SAXO4: variants seen among roughly 807,000 people sequenced by gnomAD.
SAXO4 encodes protein phosphatase 1 regulatory subunit 32.
chr11:61,485,315 C>A, the SAXO4 span: 62 of 1,611,664 alleles, frequency 3.8e-5, no homozygotes, highest in Middle Eastern at 5.2e-4. Context: ...AGTGCCCCCA[C>A]TCCTCCAACC....
the SAXO4 span, chr11:61,490,398 C>T: frequency 9.3e-7 from 1 of 1,076,496 alleles, no homozygotes; most frequent in Admixed American, 1.7e-5. Context: ...CCTGGCTGAA[C>T]CCTGGCTATG....
At chr11:61,487,366 A>G in the SAXO4 span, 1 of 817,862 alleles carries the variant, frequency 1.2e-6, no homozygotes, top group Non-Finnish European at 2.0e-6. Context: ...CCCCAGAAGC[A>G]TACCCTAAGC....
At chr11:61,488,278 T>C in the SAXO4 span, among the ~76,000 whole-genome samples, 12,370 of 147,426 alleles carry the variant, frequency 0.084, 634 homozygotes, top group Non-Finnish European at 0.12. Flanking sequence ...TGAGCCACCG[T>C]GTCCTGCCAA....
At chr11:61,484,685 C>T in the SAXO4 span, 1 of 1,613,294 alleles carries the variant, frequency 6.2e-7, no homozygotes, top group African/African-American at 1.3e-5. Flanking sequence ...TTCTTCCTCC[C>T]AGGTCCGGAA....
the SAXO4 span, among the ~76,000 whole-genome samples, chr11:61,483,163 TC>T: frequency 1.8e-4 from 27 of 146,392 alleles, no homozygotes; most frequent in East Asian, 4.2e-3. Flanking sequence ...CATTTCTTTT[TC>T]TTTTTTTTTT....
At chr11:61,487,259 T>G in the SAXO4 span, 1 of 1,603,542 alleles carries the variant, frequency 6.2e-7, no homozygotes, top group Non-Finnish European at 8.5e-7. Flanking sequence ...CGCTTCCTGG[T>G]CCAAAGCTGA....
chr11:61,488,218 C>T, the SAXO4 span, among the ~76,000 whole-genome samples: 12 of 151,588 alleles, frequency 7.9e-5, no homozygotes, highest in African/African-American at 2.7e-4. Context: ...AACTCCTGAC[C>T]TCAAGTGATC....
At chr11:61,489,800 C>T in the SAXO4 span, 3 of 1,614,002 alleles carry the variant, frequency 1.9e-6, no homozygotes, top group Non-Finnish European at 2.5e-6. Flanking sequence ...AGAACATCCC[C>T]AAGGGTCTAG....
At chr11:61,482,703 C>T in the SAXO4 span, 1 of 1,614,052 alleles carries the variant, frequency 6.2e-7, no homozygotes, top group Non-Finnish European at 8.5e-7. Context: ...AGAGCTACCG[C>T]CCCCTGGAGG....
At chr11:61,486,068 C>T in the SAXO4 span, among the ~76,000 whole-genome samples, 2 of 152,208 alleles carry the variant, frequency 1.3e-5, no homozygotes. Context: ...CCAAGTCCCC[C>T]ATTTATAGAT....
chr11:61,485,500 C>T, the SAXO4 span: 5 of 1,088,746 alleles, frequency 4.6e-6, no homozygotes, highest in Non-Finnish European at 6.7e-6. Flanking sequence ...ACTGAGAAGG[C>T]ACCAGTGGAA....
chr11:61,489,794 C>G, the SAXO4 span: 1 of 1,613,994 alleles, frequency 6.2e-7, no homozygotes, highest in East Asian at 2.2e-5. Flanking sequence ...ACTTTGAGAA[C>G]ATCCCCAAGG....
At chr11:61,484,941 C>A in the SAXO4 span, 57 of 1,232,760 alleles carry the variant, frequency 4.6e-5, no homozygotes, top group African/African-American at 4.4e-4. Flanking sequence ...GGGCTCAGGG[C>A]GCCAAGAAAG....
chr11:61,489,416 C>A, the SAXO4 span: 12 of 510,986 alleles, frequency 2.3e-5, no homozygotes, highest in Non-Finnish European at 3.8e-5. Context: ...TGTCTTTGCA[C>A]CCTCTGGACC....
the SAXO4 span, among the ~76,000 whole-genome samples, chr11:61,483,327 C>T: frequency 2.0e-5 from 3 of 151,996 alleles, no homozygotes; most frequent in Non-Finnish European, 4.4e-5. Flanking sequence ...CCACCACACC[C>T]GGCTAATATT....
chr11:61,482,665 C>G, the SAXO4 span: 1 of 1,614,098 alleles, frequency 6.2e-7, no homozygotes, highest in Non-Finnish European at 8.5e-7. Context: ...GGAACAAGCC[C>G]AGGACCATTT....
the SAXO4 span, chr11:61,486,888 A>G: frequency 1.4e-6 from 2 of 1,417,782 alleles, no homozygotes; most frequent in Non-Finnish European, 2.0e-6. Context: ...TCCCCTCTCC[A>G]TCCCTGCTGC....
chr11:61,485,544 G>A, the SAXO4 span: 65 of 815,148 alleles, frequency 8.0e-5, 3 homozygotes, highest in African/African-American at 5.2e-4. Flanking sequence ...GGAGGGAAGC[G>A]CCTCTCCCGG....
At chr11:61,487,121 TC>T in the SAXO4 span, 14 of 1,612,662 alleles carry the variant, frequency 8.7e-6, no homozygotes, top group African/African-American at 1.6e-4. Flanking sequence ...ACTTGACAAT[TC>T]CCCTGTCTAC....
Sources: allele counts gnomAD v4.1 joint callset (sites outside exome capture counted in the v4.1 genomes callset), GRCh38; gene constraint gnomAD v4.1.1; transcripts MANE v1.5; gene names NCBI Gene and HGNC (gene_info 2026-07-23, HGNC 2026-07-21).